The following OSCP1 variants were observed in gnomAD, a reference collection of about 807,000 sequenced individuals.
OSCP1 encodes the protein protein OSCP1.
In OSCP1, 35 loss-of-function variants were observed where a neutral mutation model predicts 45.1. The observed-to-expected ratio is 0.78, with a 90% confidence interval of 0.59 to 1.03. The LOEUF (loss-of-function observed/expected upper bound fraction) is 1.03. OSCP1 is among the 50% of genes least tolerant of loss of function. OSCP1 has a pLI of 0.00. For synonymous variants in OSCP1, 179 were observed against 180.1 expected (o/e 0.99, Z 0.05); for missense variants, 400 against 470.7 (o/e 0.85, Z 1.39).
In OSCP1 at chr1:36,445,592, C is replaced by T. The variant is rs189784245; in HGVS notation, c.112+4666G>A. Reference sequence around the variant, plus strand: ...CTCCTCTGGGAAAATTCACCATCTTCCCCCATCAAGAGTCATGGGCTTTTG... The same window carrying T: ...CTCCTCTGGGAAAATTCACCATCTTTCCCCATCAAGAGTCATGGGCTTTTG... On this transcript the variant is annotated intron_variant, in intron 1 of 9. Transcript: ENST00000235532. Among the ~76,000 whole-genome samples, 5 of 152,344 alleles carry T rather than the reference C, an allele frequency of 3.3e-5. No individual in the cohort carries two copies. The East Asian group carries it at 9.6e-4, about 29-fold the overall frequency.
In OSCP1 at chr1:36,432,461, G is replaced by A. The variant is rs766674301; in HGVS notation, c.396C>T (p.Ile132=). The A allele has an allele frequency of 1.2e-6, 2 of 1,614,122 alleles. No individual in the cohort carries two copies. The highest frequency in any genetic ancestry group is 1.7e-5 in the Admixed American group (1 of 60,006). ...GCAAAGTCTCGTCCACTTGCTGCAG[G>A]ATGGTTGGGGAGTCTCGGATGAATC... ...IKGFIRDSPT[I]LQQVDETLRQ... The change falls in exon 3 of 10, where the codon ATC becomes ATT. Residue 132 remains isoleucine, a synonymous_variant. Coordinates refer to ENST00000235532, the MANE Select transcript of OSCP1 (RefSeq NM_145047.5).
chr1:36,427,007 CT>C (rs1269016112), intron 4 of OSCP1, among the ~76,000 whole-genome samples: 62 of 123,604 alleles, frequency 5.0e-4, no homozygotes, highest in Admixed American at 5.8e-4. Flanking sequence ...TGCCTGGCCT[CT>C]TTTTTTTTTT....
At chr1:36,427,075 A>C (rs1461325875) in intron 4 of OSCP1, among the ~76,000 whole-genome samples, 1 of 149,724 alleles carries the variant, frequency 6.7e-6, no homozygotes, top group African/African-American at 2.5e-5. Flanking sequence ...ATCTCGGCTT[A>C]CTGCAACCTC....
At chr1:36,423,890 A>T (rs1045937989) in intron 4 of OSCP1, among the ~76,000 whole-genome samples, 1 of 151,824 alleles carries the variant, frequency 6.6e-6, no homozygotes, top group African/African-American at 2.4e-5. Context: ...ATAAAAAAAT[A>T]AAAAAAAGAA....
intron 2 of OSCP1, among the ~76,000 whole-genome samples, chr1:36,436,090 TTCTCTCTC>T (rs147805432): frequency 0.098 from 14,684 of 149,826 alleles, 863 homozygotes; most frequent in East Asian, 0.28. Context: ...AAATTTTTCT[TTCTCTCTC>T]TCTCTATTTT....
Position 36,450,401 on chromosome 1 carries a change from C to T in OSCP1, c.-32G>A, listed in dbSNP as rs922821453. 1.3e-6 allele frequency: 2 copies of T among 1,583,040 alleles called. No homozygotes were observed. The highest frequency in any genetic ancestry group is 3.3e-5 in the Admixed American group (2 of 59,754). On this transcript the variant is annotated 5_prime_UTR_variant, in exon 1 of 10. Transcript: ENST00000235532. ...GGAAACGAGCTGGACTGGTGAAGAG[C>T]CCCGGGGTTCGGTAGCCAGTGGCCT...
At chr1:36,424,543 C>G (rs1647850738) in intron 4 of OSCP1, among the ~76,000 whole-genome samples, 1 of 152,214 alleles carries the variant, frequency 6.6e-6, no homozygotes, top group Non-Finnish European at 1.5e-5. Context: ...AGGGGCAGAG[C>G]TGAGGATTCA....
intron 2 of OSCP1, among the ~76,000 whole-genome samples, chr1:36,437,268 AATT>A (rs376513799): frequency 5.3e-5 from 8 of 150,642 alleles, no homozygotes; most frequent in African/African-American, 4.9e-5. Flanking sequence ...ATTTATGTGG[AATT>A]ATTATTATTA....
intron 1 of OSCP1, among the ~76,000 whole-genome samples, chr1:36,439,289 G>A (rs2124804113): frequency 6.6e-6 from 1 of 152,250 alleles, no homozygotes; most frequent in African/African-American, 2.4e-5. Context: ...GGGAGGCCAA[G>A]GCTGGAGGAT....
chr1:36,438,864 C>A lies in OSCP1; in HGVS notation c.159G>T (p.Glu53Asp). The A allele has an allele frequency of 6.8e-6, 11 of 1,614,188 alleles. No homozygotes were observed. Among genetic ancestry groups the A allele is most frequent in the Non-Finnish European group, 8.5e-6 (10 of 1,180,022 alleles). Reference protein sequence around the residue: ...ISTMFNRKFMEELFKPQELYS... With the variant: ...ISTMFNRKFMDELFKPQELYS... ...AGAGCTCTTGAGGCTTGAATAATTC[C>A]TCCATAAACTTTCTATTGAACATGG... Residue 53 changes from glutamate to aspartate, a missense_variant, in exon 2 of 10, where the codon GAG (glutamate) becomes GAT (aspartate). Coordinates refer to ENST00000235532, the MANE Select transcript of OSCP1 (RefSeq NM_145047.5).
intron 3 of OSCP1, among the ~76,000 whole-genome samples, chr1:36,432,132 A>G (rs1276070519): frequency 6.6e-6 from 1 of 152,154 alleles, no homozygotes; most frequent in Non-Finnish European, 1.5e-5. Flanking sequence ...CCTGTTCCCC[A>G]AGATTTAGCA....
intron 1 of OSCP1, among the ~76,000 whole-genome samples, chr1:36,443,171 C>T (rs1649304438): frequency 6.6e-6 from 1 of 152,180 alleles, no homozygotes; most frequent in Admixed American, 6.5e-5. Context: ...ACCATGTTGG[C>T]CAGGCTGGCC....
rs1648430046 is a variant in OSCP1 at position 36,432,452 on chromosome 1, T to C, written c.405A>G (p.Gln135=). The C allele has an allele frequency of 5.6e-6, 9 of 1,614,158 alleles. No individual in the cohort carries two copies. The highest frequency in any genetic ancestry group is 6.8e-6 in the Non-Finnish European group (8 of 1,180,026). Reference sequence around the variant, plus strand: ...TCAGCTGCCGCAAAGTCTCGTCCACTTGCTGCAGGATGGTTGGGGAGTCTC... The same window carrying C: ...TCAGCTGCCGCAAAGTCTCGTCCACCTGCTGCAGGATGGTTGGGGAGTCTC... The part of the protein sequence containing the change: ...FIRDSPTILQ[Q]VDETLRQLTE... The change falls in exon 3 of 10, where the codon CAA becomes CAG. Residue 135 remains glutamine, a synonymous_variant. Transcript: ENST00000235532.
At chr1:36,419,906 G>A (rs188361634) in intron 8 of OSCP1, among the ~76,000 whole-genome samples, 1 of 152,116 alleles carries the variant, frequency 6.6e-6, no homozygotes, top group South Asian at 2.1e-4. Flanking sequence ...TTAAATTCCT[G>A]GGCTCAGACG....
chr1:36,438,951 A>G (rs771206719), intron 1 of OSCP1, 41 bp from the exon 2 acceptor site: 1 of 1,599,354 alleles, frequency 6.3e-7, no homozygotes, highest in Non-Finnish European at 8.5e-7. Flanking sequence ...AAAGTACTGA[A>G]GCAAGCCTAT....
At chr1:36,428,201 A>T in intron 4 of OSCP1, 1 of 1,332,390 alleles carries the variant, frequency 7.5e-7, no homozygotes, top group Middle Eastern at 2.8e-4. Context: ...AAAAAAAAAA[A>T]AAAAAAAAAG....
intron 4 of OSCP1, among the ~76,000 whole-genome samples, chr1:36,429,231 C>A (rs1407241751): frequency 6.6e-6 from 1 of 151,102 alleles, no homozygotes; most frequent in Non-Finnish European, 1.5e-5. Context: ...ACAAAAAATA[C>A]AAAAAATTAG....
At chr1:36,432,278 G>A (rs765268902) in intron 3 of OSCP1, 144 bp downstream of exon 3, 35 of 980,410 alleles carry the variant, frequency 3.6e-5, no homozygotes, top group East Asian at 4.9e-5. Context: ...AAATGGACAC[G>A]GATTGCTTTT....
intron 4 of OSCP1, among the ~76,000 whole-genome samples, chr1:36,427,833 G>A (rs16866066): frequency 6.6e-6 from 1 of 152,018 alleles, no homozygotes; most frequent in Non-Finnish European, 1.5e-5. Context: ...CAATGACAGA[G>A]ATCTTAATTT....
Sources: gnomAD v4.1 joint callset for allele counts (sites outside exome capture counted in the v4.1 genomes callset) on GRCh38, gnomAD v4.1.1 for gene constraint, MANE v1.5 for transcripts, NCBI Gene and HGNC (gene_info 2026-07-23, HGNC 2026-07-21) for gene names.